GRID2: variants seen among roughly 807,000 people sequenced by gnomAD.
The protein encoded by GRID2 is glutamate receptor ionotropic, delta-2.
GRID2 carries 33 observed loss-of-function variants against 114.8 expected under a neutral mutation model. The ratio of observed to expected loss-of-function variants is 0.29; its 90% CI spans 0.22 to 0.38. The LOEUF (loss-of-function observed/expected upper bound fraction) is 0.38, where lower values mean the gene tolerates loss of function less well. Among genes scored for constraint, GRID2 ranks in the 10% least tolerant of loss-of-function variants. The probability of loss-of-function intolerance (pLI) is 1.00; values close to 1 mark genes in which losing one functional copy is unlikely to be tolerated. For missense variants in GRID2, 1,184 were observed against 1,257.7 expected (o/e 0.94, Z 0.89); for synonymous variants, 505 against 449.9 (o/e 1.12, Z -1.55).
chr4:93,497,345 A>G (rs1727648758), intron 12 of GRID2, among the ~76,000 whole-genome samples: 1 of 151,776 alleles, frequency 6.6e-6, no homozygotes, highest in South Asian at 2.1e-4. Flanking sequence ...GGTTCATCAT[A>G]GAACAAAAGT....
At chr4:92,741,657 TC>T (rs1475637991) in intron 2 of GRID2, among the ~76,000 whole-genome samples, 1 of 152,220 alleles carries the variant, frequency 6.6e-6, no homozygotes, top group Non-Finnish European at 1.5e-5. Flanking sequence ...GCTGTCTATG[TC>T]CCCCAACTCT....
intron 2 of GRID2, among the ~76,000 whole-genome samples, chr4:92,965,107 T>A (rs2149161724): frequency 6.6e-6 from 1 of 151,980 alleles, no homozygotes; most frequent in East Asian, 1.9e-4. Context: ...TAGAGACCAT[T>A]TGCAGAGTTA....
chr4:93,452,037 T>C (rs966727724), intron 10 of GRID2, among the ~76,000 whole-genome samples: 10 of 152,112 alleles, frequency 6.6e-5, no homozygotes, highest in African/African-American at 2.4e-4. Context: ...CATTTGTAAA[T>C]TGTGTGTAGA....
chr4:93,079,086 A>G (rs1226590119), intron 2 of GRID2, among the ~76,000 whole-genome samples: 1 of 151,572 alleles, frequency 6.6e-6, no homozygotes, highest in Non-Finnish European at 1.5e-5. Flanking sequence ...CAATTTAGCC[A>G]TGCTGATCAA....
At chr4:93,543,370 G>T (rs981184173) in intron 13 of GRID2, among the ~76,000 whole-genome samples, 3 of 152,104 alleles carry the variant, frequency 2.0e-5, no homozygotes, top group African/African-American at 7.2e-5. Flanking sequence ...TTTCTGAGTT[G>T]CCAACAGAGT....
At chr4:92,429,158 A>G (rs1324499563) in intron 1 of GRID2, among the ~76,000 whole-genome samples, 1 of 152,164 alleles carries the variant, frequency 6.6e-6, no homozygotes, top group African/African-American at 2.4e-5. Flanking sequence ...GAAGGTGTAT[A>G]CATTGATGGG....
intron 14 of GRID2, among the ~76,000 whole-genome samples, chr4:93,703,015 G>T (rs1399936689): frequency 6.8e-6 from 1 of 147,410 alleles, no homozygotes; most frequent in Non-Finnish European, 1.5e-5. Flanking sequence ...ACTGAAAGGG[G>T]TGAAGGAAAA....
intron 2 of GRID2, among the ~76,000 whole-genome samples, chr4:92,830,294 GTT>G (rs58306762): frequency 8.7e-5 from 12 of 137,428 alleles, no homozygotes; most frequent in African/African-American, 1.3e-4. Context: ...GATTTACATT[GTT>G]TTTTTTTTTT....
At chr4:93,503,321 A>C (rs754429337) in intron 12 of GRID2, among the ~76,000 whole-genome samples, 2 of 151,942 alleles carry the variant, frequency 1.3e-5, no homozygotes, top group Non-Finnish European at 2.9e-5. Context: ...AATAAGGCAA[A>C]TTCTTTTTAT....
chr4:93,250,441 C>T (rs1196659174), intron 8 of GRID2, among the ~76,000 whole-genome samples: 1 of 151,644 alleles, frequency 6.6e-6, no homozygotes, highest in Admixed American at 6.6e-5. Flanking sequence ...ATGTGTATAC[C>T]TATGTAACAA....
chr4:92,566,126 C>T (rs900153561), intron 1 of GRID2, among the ~76,000 whole-genome samples: 2 of 151,772 alleles, frequency 1.3e-5, no homozygotes, highest in African/African-American at 2.4e-5. Flanking sequence ...TAGCAGCTGG[C>T]GCAAAATTTT....
rs184390682 is a variant in GRID2 at position 92,351,340 on chromosome 4, T to G, written c.88+46596T>G. On this transcript the variant is annotated intron_variant, in intron 1 of 15. Transcript: ENST00000282020. Reference sequence around the variant, plus strand: ...TCTCCAGATTCTCAAAAAAACTTGATATTACAGTCCTTTAAAAGCTTTATT... The same window carrying G: ...TCTCCAGATTCTCAAAAAAACTTGAGATTACAGTCCTTTAAAAGCTTTATT... Among the ~76,000 whole-genome samples the G allele has an allele frequency of 1.3e-4, 20 of 151,998 alleles. No homozygotes were observed. In the Middle Eastern group the frequency reaches 0.014, roughly 103 times the overall value.
chr4:92,881,740 T>C (rs986178532), intron 2 of GRID2, among the ~76,000 whole-genome samples: 1 of 152,176 alleles, frequency 6.6e-6, no homozygotes, highest in African/African-American at 2.4e-5. Context: ...AAATGAATGT[T>C]GAGAAAAATA....
chr4:92,669,817 C>G (rs765210504), intron 2 of GRID2, among the ~76,000 whole-genome samples: 1 of 151,942 alleles, frequency 6.6e-6, no homozygotes, highest in Non-Finnish European at 1.5e-5. Context: ...ATTTTGTATT[C>G]AAAATCTTAT....
chr4:92,744,308 T>C (rs1737039824), intron 2 of GRID2, among the ~76,000 whole-genome samples: 1 of 151,860 alleles, frequency 6.6e-6, no homozygotes, highest in Non-Finnish European at 1.5e-5. Context: ...GCCAACATGG[T>C]GAAACCCCGT....
rs532438227 is a variant in GRID2 at position 93,478,593 on chromosome 4, A to G, written c.1859-12046A>G. Among the ~76,000 whole-genome samples the G allele has an allele frequency of 2.0e-4, 30 of 151,524 alleles. No individual in the cohort carries two copies. The South Asian group carries it at 5.6e-3, about 28-fold the overall frequency. ...GATAAAATATTAAATTATATAATTA[A>G]CTACATAACATAAAATTAACTAACT... On this transcript the variant is annotated intron_variant, in intron 11 of 15. Coordinates refer to ENST00000282020, the MANE Select transcript of GRID2 (RefSeq NM_001510.4).
chr4:93,678,515 G>C (rs1725156259), intron 14 of GRID2, among the ~76,000 whole-genome samples: 1 of 151,838 alleles, frequency 6.6e-6, no homozygotes, highest in Non-Finnish European at 1.5e-5. Flanking sequence ...AAATGTTAAG[G>C]GCAGCCAGAG....
chr4:93,091,473 A>G (rs957119503), intron 3 of GRID2, among the ~76,000 whole-genome samples: 1 of 152,128 alleles, frequency 6.6e-6, no homozygotes, highest in Non-Finnish European at 1.5e-5. Context: ...TTCATGGAGA[A>G]TACTCCAGAA....
At chr4:93,751,407 G>A (rs1407728690) in intron 14 of GRID2, among the ~76,000 whole-genome samples, 1 of 151,730 alleles carries the variant, frequency 6.6e-6, no homozygotes, top group South Asian at 2.1e-4. Context: ...TTTTCTTCTT[G>A]GTGAGTGAAC....
Sources: gnomAD v4.1 joint callset for allele counts (sites outside exome capture counted in the v4.1 genomes callset) on GRCh38, gnomAD v4.1.1 for gene constraint, MANE v1.5 for transcripts, NCBI Gene and HGNC (gene_info 2026-07-23, HGNC 2026-07-21) for gene names.